The following GTF3C2 variants were observed in gnomAD, a reference collection of about 807,000 sequenced individuals.
The protein encoded by GTF3C2 is general transcription factor IIIC subunit 2, also known as general transcription factor 3C polypeptide 2.
GTF3C2 carries 17 observed loss-of-function variants against 117.4 expected under a neutral mutation model. The observed-to-expected ratio is 0.14, with a 90% CI of 0.10 to 0.22. GTF3C2 has a LOEUF of 0.22. Among genes scored for constraint, GTF3C2 ranks in the 10% least tolerant of loss-of-function variants. GTF3C2 has a pLI of 1.00. For synonymous variants in GTF3C2, 437 were observed against 427.0 expected, an observed-to-expected ratio of 1.02 and a Z score of -0.29; for missense variants, 888 against 1,143.6, an observed-to-expected ratio of 0.78 and a Z score of 3.22.
exon 19 of GTF3C2, chr2:27,326,414 C>A (rs916272309): frequency 1.2e-5 from 7 of 568,074 alleles, no homozygotes; most frequent in Admixed American, 1.2e-4. Context: ...CTAGGTCAGG[C>A]CTGAGTGTTT....
intron 12 of GTF3C2, among the ~76,000 whole-genome samples, chr2:27,332,913 ACCATGTTGGCCAGGATGGTCT>A (rs1680329849): frequency 6.6e-6 from 1 of 150,598 alleles, no homozygotes; most frequent in Non-Finnish European, 1.5e-5. Context: ...ACAGGCTTTC[ACCATGTTGGCCAGGATGGTCT>A]CCATCTCTTG....
In GTF3C2 at chr2:27,328,981, CT is replaced by C. The variant is rs766753661; in HGVS notation, c.2040-51del. On this transcript the variant is annotated intron_variant, in intron 14 of 18. Transcript: ENST00000264720. ...ACCTTCCTTTTCTTTAGATTCATTTCTTCTTCTTAACCTCTTCCAGAATTTA... is the reference window on the plus strand; with the variant it reads ...ACCTTCCTTTTCTTTAGATTCATTTCTCTTCTTAACCTCTTCCAGAATTTA... The C allele has an allele frequency of 2.0e-6, 3 of 1,483,086 alleles. No individual in the cohort carries two copies. In the South Asian group the frequency reaches 3.4e-5, roughly 17 times the overall value. The allele number at this position is 1,483,086 out of a possible 1,614,324, so 91.9% of individuals were successfully genotyped here.
intron 1 of GTF3C2, among the ~76,000 whole-genome samples, chr2:27,350,974 A>G (rs867704400): frequency 6.0e-5 from 9 of 149,124 alleles, no homozygotes; most frequent in Admixed American, 3.4e-4. Flanking sequence ...AAATTAGCTG[A>G]GTGTAGTGGC....
intron 12 of GTF3C2, among the ~76,000 whole-genome samples, chr2:27,331,244 T>G (rs1680262415): frequency 6.6e-6 from 1 of 152,142 alleles, no homozygotes; most frequent in Admixed American, 6.6e-5. Context: ...AGAAAAAACA[T>G]GGCGAAAGGG....
chr2:27,333,562 A>G (rs761405151), intron 12 of GTF3C2, 93 bp downstream of exon 12: 1 of 756,424 alleles, frequency 1.3e-6, no homozygotes, highest in Non-Finnish European at 2.2e-6. Context: ...CTATATGTCC[A>G]GTATTGAACC....
At chr2:27,355,261 G>A (rs545684160) in intron 1 of GTF3C2, among the ~76,000 whole-genome samples, 3 of 152,262 alleles carry the variant, frequency 2.0e-5, no homozygotes, top group Non-Finnish European at 4.4e-5. Context: ...GGTGGCTCAC[G>A]CCTGTAATCC....
intron 12 of GTF3C2, among the ~76,000 whole-genome samples, chr2:27,332,349 ATTT>A (rs1408593054): frequency 2.0e-5 from 3 of 150,690 alleles, no homozygotes; most frequent in Admixed American, 2.0e-4. Flanking sequence ...TAATCTTTCT[ATTT>A]TTATCTATAA....
rs969439373 is a variant in GTF3C2 at position 27,328,298 on chromosome 2, T to C, written c.2257-109A>G. On this transcript the variant is annotated intron_variant, in intron 16 of 18. Transcript: ENST00000264720. ...TAAAGATGGAAAAAAGTAGTATCTT[T>C]AAATATATGCTCAGATGCAGTACGG... 1.5e-5 allele frequency: 15 copies of C among 1,021,166 alleles called. No individual in the cohort carries two copies. In the African/African-American group the frequency reaches 2.3e-4, roughly 15 times the overall value. 63.3% of individuals were successfully genotyped at this position (1,021,166 alleles called of 1,614,324 possible).
chr2:27,328,293 A>G (rs1221828935), intron 16 of GTF3C2, 104 bp from the exon 17 acceptor site: 1 of 1,019,702 alleles, frequency 9.8e-7, no homozygotes, highest in East Asian at 2.4e-5. Context: ...AAAAAGTAGT[A>G]TCTTTAAATA....
At chr2:27,343,182 C>A in intron 2 of GTF3C2, 35 bp from the exon 3 acceptor site, 1 of 1,518,426 alleles carries the variant, frequency 6.6e-7, no homozygotes, top group South Asian at 1.3e-5. Flanking sequence ...GAGATGGGAC[C>A]AGAACTCAAA....
chr2:27,329,135 G>A lies in GTF3C2; in HGVS notation c.2025C>T (p.Asp675=), dbSNP rs1280767270. ...TCTTGCCGTACGAGGCATAGCAGTT[G>A]TCCTGAGCCACAGTGACACCATTGT... Residue 675 remains aspartate, a synonymous_variant, in exon 14 of 19, where the codon GAC becomes GAT. Transcript: ENST00000264720. This position sits in a 1 kb window ranked among gnomAD's most constrained non-coding sequence, Gnocchi z 4.5. The A allele has an allele frequency of 6.2e-7, 1 of 1,614,102 alleles. No homozygotes were observed. Among genetic ancestry groups the A allele is most frequent in the Non-Finnish European group, 8.5e-7 (1 of 1,179,998 alleles).
At chr2:27,355,822 A>T (rs546752144) in intron 1 of GTF3C2, among the ~76,000 whole-genome samples, 4 of 152,320 alleles carry the variant, frequency 2.6e-5, no homozygotes, top group African/African-American at 9.6e-5. Context: ...ATGCAAGATG[A>T]TTTTAATGGT....
At chr2:27,353,632 T>C (rs1681219562) in intron 1 of GTF3C2, among the ~76,000 whole-genome samples, 1 of 152,036 alleles carries the variant, frequency 6.6e-6, no homozygotes, top group African/African-American at 2.4e-5. Context: ...AGAGATGGGA[T>C]TTCACCATGT....
chr2:27,348,465 A>G (rs564330454), intron 1 of GTF3C2, among the ~76,000 whole-genome samples: 1 of 152,074 alleles, frequency 6.6e-6, no homozygotes, highest in East Asian at 1.9e-4. Flanking sequence ...AAAACCGAAA[A>G]CATGTATCAT....
intron 4 of GTF3C2, chr2:27,341,413 A>G (rs1680725616): frequency 6.5e-6 from 1 of 152,824 alleles, no homozygotes; most frequent in Non-Finnish European, 1.5e-5. Flanking sequence ...AACCATAAAC[A>G]AAAACAGCCT....
At chr2:27,355,854 A>G (rs1334843847) in intron 1 of GTF3C2, among the ~76,000 whole-genome samples, 5 of 152,244 alleles carry the variant, frequency 3.3e-5, no homozygotes, top group Non-Finnish European at 5.9e-5. Flanking sequence ...CATTTTAATG[A>G]CTAGTGCTTT....
exon 2 of GTF3C2, chr2:27,343,509 G>A: frequency 6.2e-7 from 1 of 1,613,940 alleles, no homozygotes; most frequent in Non-Finnish European, 8.5e-7. Flanking sequence ...TTCCCCACGG[G>A]GCCGGCCTCC....
At chr2:27,335,698 G>C (rs1383359419) in exon 10 of GTF3C2, 1 of 1,557,458 alleles carries the variant, frequency 6.4e-7, no homozygotes, top group South Asian at 1.2e-5. Flanking sequence ...ACCGGGGCAG[G>C]AGAGGAGCCT....
intron 17 of GTF3C2, 102 bp from the exon 18 acceptor site, chr2:27,327,386 G>A (rs926003292): frequency 6.3e-5 from 36 of 568,612 alleles, no homozygotes; most frequent in African/African-American, 5.3e-4. Context: ...GCAGTGGCGC[G>A]ATCTTGGCAG....
Sources: allele counts gnomAD v4.1 joint callset (sites outside exome capture counted in the v4.1 genomes callset), GRCh38; gene constraint gnomAD v4.1.1; non-coding constraint Gnocchi (gnomAD v3.1); transcripts MANE v1.5; gene names NCBI Gene and HGNC (gene_info 2026-07-23, HGNC 2026-07-21).